PXDNL: variants seen among roughly 807,000 people sequenced by gnomAD.
PXDNL encodes the protein peroxidasin like, also known as probable oxidoreductase PXDNL.
Under a neutral mutation model 150.8 loss-of-function variants are expected in PXDNL, and 145 were observed. The ratio of observed to expected loss-of-function variants is 0.96; its 90% CI spans 0.84 to 1.10. PXDNL has a LOEUF of 1.10. Among genes scored for constraint, PXDNL ranks in the 50% least tolerant of loss-of-function variants. The pLI, the probability that PXDNL is intolerant of heterozygous loss-of-function variation, is 0.00. For missense variants in PXDNL, 2,087 were observed against 1,873.9 expected, an observed-to-expected ratio of 1.11 and a Z score of -2.10; for synonymous variants, 757 against 725.7, an observed-to-expected ratio of 1.04 and a Z score of -0.69.
rs536586978 is a variant in PXDNL at position 51,782,113 on chromosome 8, C to T, written c.164+27068G>A. On this transcript the variant is annotated intron_variant, in intron 1 of 22. Coordinates refer to ENST00000356297, the MANE Select transcript of PXDNL (RefSeq NM_144651.5). ...TCAGATGATAAGAAGGAAAGACTGA[C>T]CTCACAGGACCATTGCCAGGAGTGC... Among the ~76,000 whole-genome samples, 6 of 152,254 alleles carry T rather than the reference C, an allele frequency of 3.9e-5. 1 individual carries two copies. Among genetic ancestry groups the T allele is most frequent in the African/African-American group, 1.4e-4 (6 of 41,544 alleles).
chr8:51,785,792 T>C (rs755529812), intron 1 of PXDNL, among the ~76,000 whole-genome samples: 6 of 152,226 alleles, frequency 3.9e-5, no homozygotes, highest in Non-Finnish European at 8.8e-5. Flanking sequence ...GACCAACTAA[T>C]AACCCTCCCA....
intron 4 of PXDNL, among the ~76,000 whole-genome samples, chr8:51,531,909 C>A (rs967016645): frequency 1.3e-5 from 2 of 152,248 alleles, no homozygotes; most frequent in South Asian, 2.1e-4. Flanking sequence ...GTGCTCCCCC[C>A]ACCGTCATCA....
intron 1 of PXDNL, among the ~76,000 whole-genome samples, chr8:51,790,280 C>T (rs1385253697): frequency 2.0e-5 from 3 of 151,564 alleles, no homozygotes; most frequent in Non-Finnish European, 2.9e-5. Flanking sequence ...AAGAGGAGGA[C>T]GATTCTTTGT....
At chr8:51,385,088 A>C (rs1307370580) in intron 17 of PXDNL, among the ~76,000 whole-genome samples, 1 of 152,188 alleles carries the variant, frequency 6.6e-6, no homozygotes, top group Non-Finnish European at 1.5e-5. Flanking sequence ...TGTATTGAAC[A>C]ATAGCATGTT....
At position 51,604,393 on chromosome 8, in the gene PXDNL, G is replaced by A. The variant is rs539564653; in HGVS notation, c.237-11695C>T. Among the ~76,000 whole-genome samples the A allele has an allele frequency of 1.1e-4, 16 of 152,014 alleles. No individual in the cohort carries two copies. The South Asian group carries it at 2.1e-3, about 20-fold the overall frequency. ...AAACCATCATTCTCAGCAAACTATC[G>A]CAAGGACAAAAAACCAAACACTGCA... is the stretch of plus-strand genomic sequence containing the variant. On this transcript the variant is annotated intron_variant, in intron 2 of 22. Coordinates refer to ENST00000356297, the MANE Select transcript of PXDNL (RefSeq NM_144651.5).
intron 3 of PXDNL, among the ~76,000 whole-genome samples, chr8:51,565,313 AATAAATAAATAG>A (rs1335511583): frequency 4.1e-4 from 51 of 123,490 alleles, no homozygotes; most frequent in Admixed American, 5.7e-4. Context: ...TAAATAAATA[AATAAATAAATAG>A]ATAGATAGAT....
intron 2 of PXDNL, among the ~76,000 whole-genome samples, chr8:51,619,093 G>T (rs1339861026): frequency 6.6e-6 from 1 of 152,094 alleles, no homozygotes; most frequent in African/African-American, 2.4e-5. Flanking sequence ...TCTCTGACCT[G>T]CTCTTCTGTC....
intron 19 of PXDNL, among the ~76,000 whole-genome samples, chr8:51,370,903 C>T (rs537449855): frequency 6.8e-4 from 104 of 152,280 alleles, no homozygotes; most frequent in African/African-American, 2.3e-3. Context: ...GGCCAGTGTT[C>T]TATCACACTT....
intron 2 of PXDNL, among the ~76,000 whole-genome samples, chr8:51,647,037 T>C (rs1814935718): frequency 6.6e-6 from 1 of 152,168 alleles, no homozygotes; most frequent in African/African-American, 2.4e-5. Context: ...AAGAGAAATG[T>C]ATGCTCTTGG....
intron 21 of PXDNL, among the ~76,000 whole-genome samples, chr8:51,335,203 G>C (rs1443376614): frequency 6.6e-6 from 1 of 152,068 alleles, no homozygotes; most frequent in East Asian, 1.9e-4. Flanking sequence ...ATATCAGTTT[G>C]TTTATTTGTT....
intron 2 of PXDNL, among the ~76,000 whole-genome samples, chr8:51,623,174 A>G (rs1261966915): frequency 1.3e-5 from 2 of 152,140 alleles, no homozygotes; most frequent in African/African-American, 2.4e-5. Context: ...ACAGCCCCTA[A>G]GACAAAAAGC....
intron 1 of PXDNL, among the ~76,000 whole-genome samples, chr8:51,777,170 C>T (rs779105049): frequency 3.9e-5 from 6 of 152,210 alleles, no homozygotes; most frequent in Non-Finnish European, 8.8e-5. Flanking sequence ...AATATCACTG[C>T]TTCCTCCCAT....
chr8:51,384,296 C>G (rs1226254662), intron 17 of PXDNL, among the ~76,000 whole-genome samples: 3 of 151,980 alleles, frequency 2.0e-5, no homozygotes, highest in Non-Finnish European at 4.4e-5. Context: ...AAACATCCTA[C>G]CCCACTAGCA....
At chr8:51,544,802 T>C (rs944321565) in intron 4 of PXDNL, among the ~76,000 whole-genome samples, 1 of 152,218 alleles carries the variant, frequency 6.6e-6, no homozygotes, top group Non-Finnish European at 1.5e-5. Flanking sequence ...ACTGTGCTAC[T>C]GTCAAGACCT....
intron 1 of PXDNL, among the ~76,000 whole-genome samples, chr8:51,744,601 G>A (rs1311328074): frequency 8.2e-5 from 12 of 146,490 alleles, no homozygotes; most frequent in South Asian, 4.3e-4. Flanking sequence ...GCATGAACCT[G>A]GGAGGTGGAG....
At chr8:51,450,328 A>G (rs1809775666) in intron 10 of PXDNL, among the ~76,000 whole-genome samples, 1 of 152,034 alleles carries the variant, frequency 6.6e-6, no homozygotes, top group Non-Finnish European at 1.5e-5. Flanking sequence ...TATTGTGCCA[A>G]CCTCCTATCT....
intron 5 of PXDNL, among the ~76,000 whole-genome samples, chr8:51,487,215 C>G (rs1195504806): frequency 6.6e-6 from 1 of 152,052 alleles, no homozygotes; most frequent in Non-Finnish European, 1.5e-5. Context: ...AAAGACTTGT[C>G]TCCTTCCTGT....
intron 3 of PXDNL, among the ~76,000 whole-genome samples, chr8:51,581,700 C>T (rs1653960391): frequency 6.6e-6 from 1 of 152,158 alleles, no homozygotes; most frequent in South Asian, 2.1e-4. Context: ...GCATCCTTGC[C>T]TGGCTTTGAT....
chr8:51,579,016 G>T (rs1370585071), intron 3 of PXDNL, among the ~76,000 whole-genome samples: 1 of 151,968 alleles, frequency 6.6e-6, no homozygotes, highest in Non-Finnish European at 1.5e-5. Flanking sequence ...AAGAAAAAAA[G>T]TTAGGAGAAA....
Sources: gnomAD v4.1 joint callset for allele counts (sites outside exome capture counted in the v4.1 genomes callset) on GRCh38, gnomAD v4.1.1 for gene constraint, MANE v1.5 for transcripts, NCBI Gene and HGNC (gene_info 2026-07-23, HGNC 2026-07-21) for gene names.